The following SORCS3 variants were observed in gnomAD, a reference collection of about 807,000 sequenced individuals.
SORCS3 encodes VPS10 domain-containing receptor SorCS3.
A neutral mutation model predicts 146.3 loss-of-function variants in SORCS3; 57 were observed. The observed-to-expected ratio is 0.39, with a 90% CI of 0.31 to 0.49. SORCS3 has a LOEUF of 0.49. Among genes scored for constraint, SORCS3 ranks in the 20% least tolerant of loss-of-function variants. The probability of loss-of-function intolerance (pLI) is 0.92; values close to 1 mark genes in which losing one functional copy is unlikely to be tolerated. For missense variants in SORCS3, 1,341 were observed against 1,575.5 expected, an observed-to-expected ratio of 0.85 and a Z score of 2.52; for synonymous variants, 653 against 618.5, an observed-to-expected ratio of 1.06 and a Z score of -0.83.
At chr10:105,161,027 G>A (rs1401533489) in intron 11 of SORCS3, among the ~76,000 whole-genome samples, 1 of 152,236 alleles carries the variant, frequency 6.6e-6, no homozygotes, top group Non-Finnish European at 1.5e-5. Context: ...GTTATTACCT[G>A]TGACCAGCAT....
chr10:104,809,401 A>G (rs1410463822), intron 1 of SORCS3, among the ~76,000 whole-genome samples: 1 of 152,188 alleles, frequency 6.6e-6, no homozygotes, highest in African/African-American at 2.4e-5. Flanking sequence ...ATCCTCCAGC[A>G]GGCTAGCCCA....
Position 105,157,230 on chromosome 10 carries a change from C to T in SORCS3, c.1575C>T (p.Arg525=). ...CTTACAACAAAGGCAGGGATTGGCG[C>T]CTGCTGCAAGCTCCGGATGTGGACC... ...YITYNKGRDW[R]LLQAPDVDLR... Residue 525 remains arginine (R), a synonymous_variant, in exon 10 of 27, where the codon CGC becomes CGT. Transcript: ENST00000369701. 1 of 1,614,064 alleles carries T rather than the reference C, an allele frequency of 6.2e-7. No homozygotes were observed. The highest frequency in any genetic ancestry group is 1.1e-5 in the South Asian group (1 of 91,080).
intron 4 of SORCS3, among the ~76,000 whole-genome samples, chr10:105,023,185 C>T (rs548587717): frequency 3.9e-4 from 59 of 152,158 alleles, no homozygotes; most frequent in Non-Finnish European, 6.5e-4. Context: ...ATTCTCAAAT[C>T]AACAGAATTA....
chr10:105,156,452 A>G (rs1179483213), intron 9 of SORCS3, among the ~76,000 whole-genome samples: 1 of 152,186 alleles, frequency 6.6e-6, no homozygotes, highest in Non-Finnish European at 1.5e-5. Flanking sequence ...TTTCCCGTCA[A>G]AATATCAAAG....
At chr10:104,732,702 A>G (rs1372104788) in intron 1 of SORCS3, among the ~76,000 whole-genome samples, 1 of 152,180 alleles carries the variant, frequency 6.6e-6, no homozygotes, top group African/African-American at 2.4e-5. Context: ...GGGCAGAGCT[A>G]TCTCTCCACT....
intron 4 of SORCS3, among the ~76,000 whole-genome samples, chr10:105,018,516 G>T (rs997046619): frequency 1.3e-5 from 2 of 152,174 alleles, no homozygotes; most frequent in African/African-American, 4.8e-5. Context: ...TGCAGAAGTT[G>T]GCATAGGGCA....
At chr10:105,047,142 T>G (rs2133707678) in intron 5 of SORCS3, among the ~76,000 whole-genome samples, 1 of 152,248 alleles carries the variant, frequency 6.6e-6, no homozygotes, top group East Asian at 1.9e-4. Context: ...GGGAAGATTT[T>G]TTTTTTCCTT....
chr10:104,840,652 C>T (rs1323241023), intron 1 of SORCS3, among the ~76,000 whole-genome samples: 4 of 152,256 alleles, frequency 2.6e-5, no homozygotes, highest in Admixed American at 1.3e-4. Flanking sequence ...CGGAGTGGTC[C>T]AAGCTTTGAG....
chr10:105,078,714 G>A (rs1445814735), intron 5 of SORCS3, among the ~76,000 whole-genome samples: 1 of 152,100 alleles, frequency 6.6e-6, no homozygotes, highest in Non-Finnish European at 1.5e-5. Flanking sequence ...TCTTCCAAAT[G>A]TTTTACATAC....
intron 1 of SORCS3, among the ~76,000 whole-genome samples, chr10:104,743,452 T>G (rs1333275773): frequency 1.3e-5 from 2 of 152,194 alleles, no homozygotes; most frequent in Non-Finnish European, 2.9e-5. Context: ...TCCACATGGT[T>G]TCTCGGCTCA....
At chr10:104,752,970 CAAA>C (rs570620660) in intron 1 of SORCS3, among the ~76,000 whole-genome samples, 71 of 97,034 alleles carry the variant, frequency 7.3e-4, no homozygotes, top group African/African-American at 3.4e-3. Context: ...ACCAACCAAA[CAAA>C]CAAACAAATG....
At chr10:105,146,075 C>G (rs2056129107) in intron 8 of SORCS3, among the ~76,000 whole-genome samples, 1 of 152,098 alleles carries the variant, frequency 6.6e-6, no homozygotes, top group Admixed American at 6.6e-5. Flanking sequence ...CATCCTTTTA[C>G]CAGTGCTTTC....
At chr10:105,224,462 A>G (rs1288086327) in intron 20 of SORCS3, among the ~76,000 whole-genome samples, 6 of 152,202 alleles carry the variant, frequency 3.9e-5, no homozygotes, top group South Asian at 2.1e-4. Flanking sequence ...GTCTGAATGT[A>G]TCACAGTTTA....
intron 5 of SORCS3, among the ~76,000 whole-genome samples, chr10:105,085,081 G>A (rs930548994): frequency 1.3e-5 from 2 of 152,274 alleles, no homozygotes; most frequent in African/African-American, 2.4e-5. Flanking sequence ...CCCACCAGGC[G>A]ATATTTAGCA....
chr10:104,803,334 A>G (rs2017645530), intron 1 of SORCS3, among the ~76,000 whole-genome samples: 1 of 152,114 alleles, frequency 6.6e-6, no homozygotes, highest in Non-Finnish European at 1.5e-5. Context: ...TCTGTTACAG[A>G]TCCCAAGACT....
intron 1 of SORCS3, among the ~76,000 whole-genome samples, chr10:104,798,202 A>G (rs1419466071): frequency 6.6e-6 from 1 of 152,166 alleles, no homozygotes; most frequent in Admixed American, 6.6e-5. Flanking sequence ...GCTCTAAGGT[A>G]CAGCTCTGGG....
At position 105,259,828 on chromosome 10, in the gene SORCS3, C is replaced by G. The variant is rs368401971; in HGVS notation, c.3444-2503C>G. 9.5e-4 allele frequency among the ~76,000 whole-genome samples: 145 copies of G among 152,262 alleles called. 1 individual carries two copies. In the South Asian group the frequency reaches 0.017, roughly 18 times the overall value. On this transcript the variant is annotated intron_variant, in intron 25 of 26. Coordinates refer to ENST00000369701, the MANE Select transcript of SORCS3 (RefSeq NM_014978.3). Reference sequence around the variant, plus strand: ...CTCATAATAGATGGATAAATAGATACAAACTGCAGTTGGGTTTTGTTTTTT... The same window carrying G: ...CTCATAATAGATGGATAAATAGATAGAAACTGCAGTTGGGTTTTGTTTTTT...
intron 2 of SORCS3, among the ~76,000 whole-genome samples, chr10:104,915,519 G>C (rs1286183001): frequency 7.1e-6 from 1 of 140,918 alleles, no homozygotes; most frequent in Non-Finnish European, 1.6e-5. Context: ...GAGCTGGGGT[G>C]GGGGGGTGGG....
chr10:105,243,723 G>C (rs4259767), intron 20 of SORCS3, among the ~76,000 whole-genome samples: 86,106 of 152,098 alleles, frequency 0.57, 24,679 homozygotes, highest in East Asian at 0.75. Context: ...AAATATGCCA[G>C]ATGCTTAGGA....
Sources: gnomAD v4.1 joint callset for allele counts (sites outside exome capture counted in the v4.1 genomes callset) on GRCh38, gnomAD v4.1.1 for gene constraint, MANE v1.5 for transcripts, NCBI Gene and HGNC (gene_info 2026-07-23, HGNC 2026-07-21) for gene names.